SLC25A21: variants seen among roughly 807,000 people sequenced by gnomAD.
SLC25A21 encodes solute carrier family 25 member 21.
SLC25A21 carries 47 observed loss-of-function variants against 43.8 expected under a neutral mutation model. The observed-to-expected ratio is 1.07, with a 90% confidence interval of 0.85 to 1.37. The LOEUF is 1.37. Among genes scored for constraint, SLC25A21 ranks in the 40% most tolerant of loss-of-function variants. SLC25A21 has a pLI of 0.00. For synonymous variants in SLC25A21, 131 were observed against 121.3 expected, an observed-to-expected ratio of 1.08 and a Z score of -0.52; for missense variants, 352 against 350.2, an observed-to-expected ratio of 1.00 and a Z score of -0.04.
At chr14:36,898,081 G>A (rs1419747598) in intron 1 of SLC25A21, among the ~76,000 whole-genome samples, 2 of 152,192 alleles carry the variant, frequency 1.3e-5, no homozygotes, top group African/African-American at 4.8e-5. Context: ...GGACATTTAA[G>A]TCTGCAGAGG....
intron 7 of SLC25A21, among the ~76,000 whole-genome samples, chr14:36,693,832 C>G (rs1882895702): frequency 1.3e-5 from 2 of 152,164 alleles, no homozygotes; most frequent in African/African-American, 4.8e-5. Context: ...TTTGGAGAGA[C>G]AGCGTCTCAC....
chr14:37,133,313 C>T (rs1963423101), intron 1 of SLC25A21, among the ~76,000 whole-genome samples: 1 of 152,056 alleles, frequency 6.6e-6, no homozygotes, highest in South Asian at 2.1e-4. Flanking sequence ...ATAACTATTC[C>T]CCAGTCCCTC....
chr14:37,170,390 A>G (rs1261796691), intron 1 of SLC25A21, among the ~76,000 whole-genome samples: 1 of 152,122 alleles, frequency 6.6e-6, no homozygotes, highest in Non-Finnish European at 1.5e-5. Context: ...ACATAGTATG[A>G]TCATATAAAT....
intron 6 of SLC25A21, among the ~76,000 whole-genome samples, chr14:36,716,111 T>C (rs186342297): frequency 4.9e-4 from 74 of 151,644 alleles, no homozygotes; most frequent in African/African-American, 1.8e-3. Context: ...AATAAATAAA[T>C]AAATAAATAA....
chr14:37,137,969 G>A (rs1378607943), intron 1 of SLC25A21, among the ~76,000 whole-genome samples: 30 of 152,166 alleles, frequency 2.0e-4, no homozygotes, highest in South Asian at 2.1e-4. Flanking sequence ...ATTAGTATTT[G>A]CCTTTAAAGT....
chr14:36,880,136 T>A (rs965574217), intron 1 of SLC25A21, among the ~76,000 whole-genome samples: 3 of 152,142 alleles, frequency 2.0e-5, no homozygotes, highest in African/African-American at 7.2e-5. Flanking sequence ...GTGACTAAGT[T>A]CTGGCCAAAG....
At chr14:36,694,201 C>T (rs925240067) in intron 7 of SLC25A21, among the ~76,000 whole-genome samples, 12 of 152,056 alleles carry the variant, frequency 7.9e-5, no homozygotes, top group Non-Finnish European at 4.4e-5. Flanking sequence ...GTCAGAATGA[C>T]GGTTTCCAGC....
At chr14:37,157,761 T>C (rs1045038455) in intron 1 of SLC25A21, among the ~76,000 whole-genome samples, 2 of 151,622 alleles carry the variant, frequency 1.3e-5, no homozygotes, top group East Asian at 1.9e-4. Flanking sequence ...CTAAATGAAA[T>C]AGAGACAAAG....
At chr14:36,710,657 T>G (rs1470273380) in intron 7 of SLC25A21, among the ~76,000 whole-genome samples, 1 of 152,122 alleles carries the variant, frequency 6.6e-6, no homozygotes, top group Non-Finnish European at 1.5e-5. Context: ...TCAAAACTCC[T>G]GGCATCAAGC....
chr14:36,867,820 T>A (rs1240419171), intron 2 of SLC25A21, among the ~76,000 whole-genome samples: 1 of 151,226 alleles, frequency 6.6e-6, no homozygotes, highest in Non-Finnish European at 1.5e-5. Flanking sequence ...TGTGTGTGTG[T>A]GTACACTCAT....
intron 1 of SLC25A21, among the ~76,000 whole-genome samples, chr14:37,015,554 C>A (rs1960834817): frequency 1.3e-5 from 2 of 151,822 alleles, no homozygotes; most frequent in South Asian, 4.2e-4. Flanking sequence ...TGGGTATATA[C>A]CCAGTAATGG....
At chr14:37,143,585 T>A (rs1054910592) in intron 1 of SLC25A21, among the ~76,000 whole-genome samples, 24 of 120,422 alleles carry the variant, frequency 2.0e-4, no homozygotes, top group African/African-American at 6.1e-4. Context: ...TGTCTGTTCA[T>A]TAGCGTGTGT....
chr14:36,975,414 T>C (rs551532238), intron 1 of SLC25A21, among the ~76,000 whole-genome samples: 6 of 152,224 alleles, frequency 3.9e-5, no homozygotes, highest in East Asian at 1.9e-4. Context: ...GAATCTAATA[T>C]AAACCAAGGA....
At chr14:36,690,289 T>C (rs527606938) in intron 7 of SLC25A21, among the ~76,000 whole-genome samples, 1 of 152,314 alleles carries the variant, frequency 6.6e-6, no homozygotes, top group East Asian at 1.9e-4. Context: ...ATTAATAATA[T>C]TTATTACCAG....
chr14:37,099,643 G>T (rs568320926), intron 1 of SLC25A21, among the ~76,000 whole-genome samples: 36 of 151,952 alleles, frequency 2.4e-4, no homozygotes, highest in African/African-American at 8.7e-4. Flanking sequence ...TCTAATACAC[G>T]TTTACTTTCT....
At chr14:36,896,885 G>C (rs555903027) in intron 1 of SLC25A21, among the ~76,000 whole-genome samples, 1 of 152,320 alleles carries the variant, frequency 6.6e-6, no homozygotes, top group South Asian at 2.1e-4. Flanking sequence ...CTGCTGGCTT[G>C]TAGAGTTTCT....
At chr14:36,946,074 G>A (rs1443066167) in intron 1 of SLC25A21, among the ~76,000 whole-genome samples, 2 of 152,152 alleles carry the variant, frequency 1.3e-5, no homozygotes, top group African/African-American at 4.8e-5. Context: ...ATAAATTAGT[G>A]AATACCTCAA....
intron 6 of SLC25A21, among the ~76,000 whole-genome samples, chr14:36,718,024 T>C (rs1428260328): frequency 6.6e-6 from 1 of 152,064 alleles, no homozygotes; most frequent in Non-Finnish European, 1.5e-5. Context: ...AAAAGTATTA[T>C]GTTAATAATT....
At chr14:37,011,610 C>T (rs1330049887) in intron 1 of SLC25A21, among the ~76,000 whole-genome samples, 1 of 152,058 alleles carries the variant, frequency 6.6e-6, no homozygotes, top group Admixed American at 6.6e-5. Flanking sequence ...ATAAAAATTC[C>T]ATCCAGAATC....
Sources: allele counts gnomAD v4.1 joint callset (sites outside exome capture counted in the v4.1 genomes callset), GRCh38; gene constraint gnomAD v4.1.1; transcripts MANE v1.5; gene names NCBI Gene and HGNC (gene_info 2026-07-23, HGNC 2026-07-21).